The following EGLN3 variants were observed in gnomAD, a reference collection of about 807,000 sequenced individuals.
The protein encoded by EGLN3 is prolyl hydroxylase EGLN3.
Under a neutral mutation model 26.0 loss-of-function variants are expected in EGLN3, and 15 were observed. The ratio of observed to expected loss-of-function variants is 0.58; its 90% CI spans 0.39 to 0.89. EGLN3 has a LOEUF of 0.89. Among genes scored for constraint, EGLN3 ranks in the 40% least tolerant of loss-of-function variants. The pLI is 0.00. For synonymous variants in EGLN3, 147 were observed against 127.2 expected, an observed-to-expected ratio of 1.16 and a Z score of -1.05; for missense variants, 238 against 311.6, an observed-to-expected ratio of 0.76 and a Z score of 1.78.
chr14:33,926,560 G>C (rs541181223), intron 4 of EGLN3, among the ~76,000 whole-genome samples: 1 of 152,114 alleles, frequency 6.6e-6, no homozygotes, highest in South Asian at 2.1e-4. Flanking sequence ...TATTACATGA[G>C]CCCTGCTGTT....
intron 3 of EGLN3, among the ~76,000 whole-genome samples, chr14:33,928,000 C>T (rs2064374332): frequency 6.6e-6 from 1 of 151,898 alleles, no homozygotes; most frequent in Non-Finnish European, 1.5e-5. Context: ...ACTTCCGTAG[C>T]TAACAATTTC....
intron 1 of EGLN3, 129 bp downstream of exon 1, chr14:33,950,267 C>T (rs1434486008): frequency 3.3e-6 from 3 of 907,928 alleles, no homozygotes; most frequent in Admixed American, 1.8e-5. Context: ...CGAGTAGAGA[C>T]AAACCAGGCT....
chr14:33,947,623 A>G (rs774049414), intron 1 of EGLN3, among the ~76,000 whole-genome samples: 1 of 152,230 alleles, frequency 6.6e-6, no homozygotes, highest in Non-Finnish European at 1.5e-5. Context: ...ACCTCAAGAA[A>G]TTTAAAGTAG....
chr14:33,938,021 G>A (rs1270984258), intron 1 of EGLN3, among the ~76,000 whole-genome samples: 1 of 152,146 alleles, frequency 6.6e-6, no homozygotes, highest in African/African-American at 2.4e-5. Flanking sequence ...TACCCAGAGC[G>A]TGGAAGCATC....
intron 1 of EGLN3, among the ~76,000 whole-genome samples, chr14:33,933,483 T>G (rs1226896417): frequency 6.6e-6 from 1 of 152,034 alleles, no homozygotes; most frequent in East Asian, 1.9e-4. Flanking sequence ...AAAGAGATAA[T>G]TTTTCTGGCC....
intron 1 of EGLN3, among the ~76,000 whole-genome samples, chr14:33,935,582 TAAATAC>T (rs1194415450): frequency 1.8e-4 from 20 of 108,776 alleles, no homozygotes; most frequent in Non-Finnish European, 3.5e-4. Context: ...GGGCTATAAA[TAAATAC>T]ACACACACAC....
chr14:33,948,163 T>TA (rs763859137), intron 1 of EGLN3: 11 of 152,166 alleles, frequency 7.2e-5, no homozygotes, highest in African/African-American at 2.7e-4. Context: ...AGCTGAGGGA[T>TA]AAAAAGTGAG....
At chr14:33,939,768 G>A (rs1444562799) in intron 1 of EGLN3, among the ~76,000 whole-genome samples, 1 of 152,132 alleles carries the variant, frequency 6.6e-6, no homozygotes, top group African/African-American at 2.4e-5. Context: ...CCATTTTACC[G>A]ATGAGGAAAT....
chr14:33,943,161 T>G (rs1409779030), intron 1 of EGLN3, among the ~76,000 whole-genome samples: 2 of 152,192 alleles, frequency 1.3e-5, no homozygotes, highest in Admixed American at 6.5e-5. Context: ...GGGTACAAAT[T>G]CTATGTATAA....
chr14:33,931,039 T>A (rs2064399335), intron 2 of EGLN3, 57 bp downstream of exon 2: 1 of 1,604,462 alleles, frequency 6.2e-7, no homozygotes, highest in Non-Finnish European at 8.5e-7. Flanking sequence ...CTAAGTTATC[T>A]GAATCATTTT....
intron 1 of EGLN3, among the ~76,000 whole-genome samples, chr14:33,947,348 C>A (rs2064525189): frequency 6.6e-6 from 1 of 152,150 alleles, no homozygotes; most frequent in South Asian, 2.1e-4. Flanking sequence ...GGGTCTTCAA[C>A]ACCCTTGGAT....
rs2064358294 is a variant in EGLN3 at position 33,925,823 on chromosome 14, TCAAAGAATTTAAGAGAATTCA to T, written c.*47_*67del. On this transcript the variant is annotated 3_prime_UTR_variant, in exon 5 of 5. Transcript: ENST00000250457. The stretch of plus-strand genomic sequence containing the variant: ...TCACTGAAGAGGCCATCTTTGGATC[TCAAAGAATTTAAGAGAATTCA>T]GGAACCGTTACTAAAATGAACAAGG... The T allele has an allele frequency of 6.4e-7, 1 of 1,567,362 alleles. No homozygotes were observed. Among genetic ancestry groups the T allele is most frequent in the Admixed American group, 1.7e-5 (1 of 59,662 alleles).
At chr14:33,940,315 T>C (rs1447267740) in intron 1 of EGLN3, among the ~76,000 whole-genome samples, 1 of 152,160 alleles carries the variant, frequency 6.6e-6, no homozygotes, top group Non-Finnish European at 1.5e-5. Flanking sequence ...GCTTCAATTC[T>C]AGTTCTGGAA....
intron 1 of EGLN3, among the ~76,000 whole-genome samples, chr14:33,942,100 A>G (rs1298482205): frequency 1.3e-5 from 2 of 152,234 alleles, no homozygotes; most frequent in Non-Finnish European, 2.9e-5. Context: ...CAGAGACTAC[A>G]TGATTAGAAT....
intron 1 of EGLN3, among the ~76,000 whole-genome samples, chr14:33,947,633 G>C (rs1239354150): frequency 6.6e-6 from 1 of 152,108 alleles, no homozygotes; most frequent in East Asian, 1.9e-4. Context: ...ATTTAAAGTA[G>C]CTAAAAAAAA....
Position 33,931,190 on chromosome 14 carries a change from T to C in EGLN3, c.383A>G (p.Asn128Ser). ...SKAMVACYPGNGTGYVRHVDN... is the reference protein window; with the variant it reads ...SKAMVACYPGSGTGYVRHVDN... Reference sequence around the variant, plus strand: ...CACGTGGCGAACATAACCTGTTCCATTTCCCGGATAGCAAGCCACCATTGC... The same window carrying C: ...CACGTGGCGAACATAACCTGTTCCACTTCCCGGATAGCAAGCCACCATTGC... Residue 128 changes from asparagine to serine, a missense_variant, in exon 2 of 5, where the codon AAT (asparagine) becomes AGT (serine). By Grantham distance (46) the Asn-to-Ser change is conservative. Transcript: ENST00000250457. The C allele has an allele frequency of 6.2e-7, 1 of 1,614,210 alleles. No individual in the cohort carries two copies. The highest frequency in any genetic ancestry group is 8.5e-7 in the Non-Finnish European group (1 of 1,180,032).
At chr14:33,926,049 T>C in intron 4 of EGLN3, 127 bp from the exon 5 acceptor site, 2 of 836,536 alleles carry the variant, frequency 2.4e-6, no homozygotes. Context: ...CTAATAGAGC[T>C]CTGCCAAAGG....
Position 33,950,540 on chromosome 14 carries a change from T to C in EGLN3, c.213A>G (p.Arg71=), listed in dbSNP as rs769676488. The C allele has an allele frequency of 2.1e-5, 34 of 1,612,826 alleles. No individual in the cohort carries two copies. The South Asian group carries it at 3.7e-4, about 18-fold the overall frequency. Residue 71 remains arginine (R), a synonymous_variant, in exon 1 of 5, where the codon CGA becomes CGG. Transcript: ENST00000250457. ...ACGTGATCTGGTCGCCCCGCAGGTGTCGCTTGGAGACGCCGGCGCGCGGCC... is the reference window on the plus strand; with the variant it reads ...ACGTGATCTGGTCGCCCCGCAGGTGCCGCTTGGAGACGCCGGCGCGCGGCC... The part of the protein sequence containing the change: ...LAGPRAGVSK[R]HLRGDQITWI...
At chr14:33,948,184 G>C (rs1028379553) in intron 1 of EGLN3, 3 of 152,158 alleles carry the variant, frequency 2.0e-5, no homozygotes, top group African/African-American at 7.2e-5. Context: ...TGAAGAAAAA[G>C]AAGGATAAAT....
Sources: gnomAD v4.1 joint callset for allele counts (sites outside exome capture counted in the v4.1 genomes callset) on GRCh38, gnomAD v4.1.1 for gene constraint, MANE v1.5 for transcripts, NCBI Gene and HGNC (gene_info 2026-07-23, HGNC 2026-07-21) for gene names.